NID1: variants seen among roughly 807,000 people sequenced by gnomAD.
The protein encoded by NID1 is nidogen-1.
A neutral mutation model predicts 130.6 loss-of-function variants in NID1; 76 were observed. That is an observed-to-expected ratio of 0.58 (90% CI 0.48 to 0.70). The LOEUF (loss-of-function observed/expected upper bound fraction) is 0.70. Among genes scored for constraint, NID1 ranks in the 30% least tolerant of loss-of-function variants. The pLI, the probability that NID1 is intolerant of heterozygous loss-of-function variation, is 0.00. For synonymous variants in NID1, 665 were observed against 675.1 expected (o/e 0.98, Z 0.23); for missense variants, 1,517 against 1,664.8 (o/e 0.91, Z 1.54).
rs554085480 is a variant in NID1 at position 236,038,278 on chromosome 1, C to T, written c.1136-25G>A. ...ACTGGTCCAAGAAAACAATTGCACACCTGTAAGCATTTCATGCAGCTCTAG... is the reference window on the plus strand; with the variant it reads ...ACTGGTCCAAGAAAACAATTGCACATCTGTAAGCATTTCATGCAGCTCTAG... On this transcript the variant is annotated intron_variant, in intron 4 of 19. Coordinates refer to ENST00000264187, the MANE Select transcript of NID1 (RefSeq NM_002508.3). 38 of 1,600,374 alleles carry T rather than the reference C, an allele frequency of 2.4e-5. No individual in the cohort carries two copies. The East Asian group carries it at 7.9e-4, about 33-fold the overall frequency.
intron 14 of NID1, among the ~76,000 whole-genome samples, chr1:235,987,708 G>C (rs1015177005): frequency 1.3e-5 from 2 of 152,172 alleles, no homozygotes; most frequent in Non-Finnish European, 1.5e-5. Flanking sequence ...TCTTGGTCGT[G>C]GACACAGTAC....
In NID1 at chr1:235,980,574, G is replaced by C. The variant is rs756697837; in HGVS notation, c.3307C>G (p.Leu1103Val). ...GGCAAGCCCAGGTCATCCTGCACAA[G>C]GATCCTCCGGTTCGTGCCGTCCATG... ...SYMDGTNRRILVQDDLGLPNG... is the reference protein window; with the variant it reads ...SYMDGTNRRIVVQDDLGLPNG... Residue 1103 changes from leucine to valine, a missense_variant, in exon 17 of 20, where the codon CTT becomes GTT. Around this residue, in one of 3 missense-constraint regions of NID1, gnomAD observed 181 missense variants for 211.3 expected, o/e 0.86. Coordinates refer to ENST00000264187, the MANE Select transcript of NID1 (RefSeq NM_002508.3). 3 of 1,614,166 alleles carry C rather than the reference G, an allele frequency of 1.9e-6. No individual in the cohort carries two copies. The highest frequency in any genetic ancestry group is 1.1e-5 in the South Asian group (1 of 91,076).
At chr1:235,992,383 C>G (rs1390981585) in intron 13 of NID1, among the ~76,000 whole-genome samples, 1 of 152,210 alleles carries the variant, frequency 6.6e-6, no homozygotes, top group Non-Finnish European at 1.5e-5. Flanking sequence ...TCAAGCCTGC[C>G]TCTCAGCTTC....
chr1:236,049,766 G>A (rs1346851790), intron 1 of NID1, among the ~76,000 whole-genome samples: 2 of 152,104 alleles, frequency 1.3e-5, no homozygotes, highest in East Asian at 1.9e-4. Flanking sequence ...CTGGCCGGGC[G>A]TGGTGGCTCA....
chr1:236,042,399 AC>A (rs1256248588), intron 3 of NID1, 107 bp from the exon 4 acceptor site: 9 of 1,397,076 alleles, frequency 6.4e-6, no homozygotes, highest in Non-Finnish European at 8.7e-6. Flanking sequence ...GCAAGCCATC[AC>A]CTGCAGCTAG....
Position 236,013,528 on chromosome 1 carries a change from C to G in NID1, c.2287G>C (p.Glu763Gln). The change falls in exon 11 of 20, where the codon GAA (glutamate) becomes CAA (glutamine). Residue 763 changes from glutamate to glutamine, a missense_variant. Physicochemically the swap from Glu to Gln is conservative, Grantham distance 29. Coordinates refer to ENST00000264187, the MANE Select transcript of NID1 (RefSeq NM_002508.3). ...ATGTCGCAGTTATGAAGGCCAGTTT[C>G]ACAGTAGTTGATGGGGCGCTGGTCC... ...VVDQRPINYC[E>Q]TGLHNCDIPQ... 5.0e-6 allele frequency: 8 copies of G among 1,614,144 alleles called. No homozygotes were observed. Among genetic ancestry groups the G allele is most frequent in the Non-Finnish European group, 6.8e-6 (8 of 1,180,028 alleles).
At chr1:236,003,302 C>T (rs144127207) in intron 12 of NID1, among the ~76,000 whole-genome samples, 16 of 152,324 alleles carry the variant, frequency 1.1e-4, no homozygotes, top group African/African-American at 3.8e-4. Context: ...TTTTACTGTT[C>T]ATGTGTCAAG....
chr1:236,063,659 C>T (rs996666944), intron 1 of NID1, among the ~76,000 whole-genome samples: 8 of 151,894 alleles, frequency 5.3e-5, no homozygotes, highest in African/African-American at 1.5e-4. Context: ...TGGTGACACT[C>T]GCCTGTGGTC....
chr1:236,013,631 C>A, intron 10 of NID1, 71 bp from the exon 11 acceptor site: 1 of 1,583,514 alleles, frequency 6.3e-7, no homozygotes, highest in Non-Finnish European at 8.6e-7. Flanking sequence ...CCCCTCCCAG[C>A]TCTATAAAGA....
chr1:235,987,105 T>C (rs2102796174), intron 14 of NID1, among the ~76,000 whole-genome samples: 1 of 152,358 alleles, frequency 6.6e-6, no homozygotes, highest in East Asian at 1.9e-4. Context: ...GGCTATTGTT[T>C]GGTTTGAAAA....
At chr1:236,052,272 T>G (rs537196595) in intron 1 of NID1, among the ~76,000 whole-genome samples, 2 of 152,354 alleles carry the variant, frequency 1.3e-5, no homozygotes, top group Admixed American at 1.3e-4. Flanking sequence ...GCCTTGTTCC[T>G]TTTCTCCATC....
intron 12 of NID1, among the ~76,000 whole-genome samples, chr1:236,005,838 A>G (rs778119899): frequency 4.6e-5 from 7 of 152,262 alleles, no homozygotes; most frequent in African/African-American, 9.6e-5. Context: ...TAATAGTAAT[A>G]ATATCATCAT....
At chr1:236,054,907 G>T (rs1659855701) in intron 1 of NID1, among the ~76,000 whole-genome samples, 1 of 152,038 alleles carries the variant, frequency 6.6e-6, no homozygotes, top group South Asian at 2.1e-4. Context: ...CTCCCAAAGT[G>T]CTGGGATTAC....
intron 16 of NID1, 152 bp downstream of exon 16, chr1:235,981,459 G>T (rs1308367909): frequency 2.7e-6 from 2 of 730,092 alleles, no homozygotes; most frequent in Non-Finnish European, 4.4e-6. Flanking sequence ...TTGTACCGTG[G>T]ATATCTACAA....
chr1:236,061,262 G>A (rs1033474214), intron 1 of NID1, among the ~76,000 whole-genome samples: 3 of 152,124 alleles, frequency 2.0e-5, no homozygotes, highest in East Asian at 1.9e-4. Context: ...TAGATGATAA[G>A]GCCAAAATGA....
At chr1:236,044,987 G>C (rs1011821467) in intron 3 of NID1, among the ~76,000 whole-genome samples, 21 of 151,924 alleles carry the variant, frequency 1.4e-4, no homozygotes, top group Admixed American at 1.4e-3. Flanking sequence ...TCACCCGAGG[G>C]CAGGAGTTCA....
At chr1:236,029,208 A>G (rs1322615794) in intron 7 of NID1, among the ~76,000 whole-genome samples, 1 of 152,154 alleles carries the variant, frequency 6.6e-6, no homozygotes, top group Non-Finnish European at 1.5e-5. Flanking sequence ...ATAGATGTAT[A>G]ATAAAATTAG....
intron 14 of NID1, among the ~76,000 whole-genome samples, chr1:235,987,986 C>G (rs1417575223): frequency 2.0e-5 from 3 of 151,706 alleles, no homozygotes; most frequent in Non-Finnish European, 4.4e-5. Flanking sequence ...GATTTGGCGA[C>G]AATTTCTTGG....
chr1:236,047,609 C>A (rs923708447), intron 2 of NID1, among the ~76,000 whole-genome samples: 1 of 152,162 alleles, frequency 6.6e-6, no homozygotes, highest in Non-Finnish European at 1.5e-5. Flanking sequence ...GAACCACTCA[C>A]ATGGTCCAAA....
Sources: gnomAD v4.1 joint callset for allele counts (sites outside exome capture counted in the v4.1 genomes callset) on GRCh38, gnomAD v4.1.1 for gene constraint, gnomAD v4.1.1 regional missense constraint, MANE v1.5 for transcripts, NCBI Gene and HGNC (gene_info 2026-07-23, HGNC 2026-07-21) for gene names.